The following NNT variants were observed in gnomAD, a reference collection of about 807,000 sequenced individuals.
NNT encodes the protein nicotinamide nucleotide transhydrogenase.
NNT carries 50 observed loss-of-function variants against 104.8 expected under a neutral mutation model. The ratio of observed to expected loss-of-function variants is 0.48; its 90% confidence interval spans 0.38 to 0.60. The LOEUF is 0.60. Among genes scored for constraint, NNT ranks in the 20% least tolerant of loss-of-function variants. NNT has a pLI of 0.00. For missense variants in NNT, 1,131 were observed against 1,330.7 expected, an observed-to-expected ratio of 0.85 and a Z score of 2.33; for synonymous variants, 461 against 490.4, an observed-to-expected ratio of 0.94 and a Z score of 0.79.
chr5:43,666,903 G>A lies in NNT; in HGVS notation c.2634+7553G>A, dbSNP rs1740730361. Reference sequence around the variant, plus strand: ...ACAGCCTGGGCCCCTTGGCAATACAGGCACAAACACGCTTCCCAAGCTTGG... The same window carrying A: ...ACAGCCTGGGCCCCTTGGCAATACAAGCACAAACACGCTTCCCAAGCTTGG... On this transcript the variant is annotated intron_variant, in intron 17 of 21. Transcript: ENST00000344920. The A allele has an allele frequency of 3.8e-6, 6 of 1,569,542 alleles. No individual in the cohort carries two copies. The South Asian group carries it at 6.6e-5, about 17-fold the overall frequency.
chr5:43,603,014 C>T (rs1236853044), upstream of NNT: 2 of 152,222 alleles, frequency 1.3e-5, no homozygotes, highest in Admixed American at 6.5e-5. Context: ...GGTAACTAGC[C>T]TTTGAGCTCA....
chr5:43,656,667 G>GT lies in NNT; in HGVS notation c.2308_2309insT (p.Ala770ValfsTer19), dbSNP rs763109551. On this transcript the variant is annotated frameshift_variant, in exon 16 of 22. Coordinates refer to ENST00000344920, the MANE Select transcript of NNT (RefSeq NM_182977.3). LOFTEE classifies it high-confidence loss of function. ...CTTGGCTCTAGGTCTCCTGAAATCT[G>GT]CCCCTCTCCTACTGCCTGGAAGGCA... is the stretch of plus-strand genomic sequence containing the variant. The GT allele has an allele frequency of 1.2e-6, 2 of 1,612,052 alleles. No homozygotes were observed. Among genetic ancestry groups the GT allele is most frequent in the African/African-American group, 2.7e-5 (2 of 74,806 alleles).
intron 14 of NNT, 39 bp from the exon 15 acceptor site, chr5:43,655,801 T>A (rs767641461): frequency 6.8e-7 from 1 of 1,474,196 alleles, no homozygotes; most frequent in Non-Finnish European, 9.5e-7. Flanking sequence ...TTCTCAAAAG[T>A]TTGTCAAGTT....
intron 17 of NNT, among the ~76,000 whole-genome samples, chr5:43,667,592 T>C (rs1359715796): frequency 6.6e-6 from 1 of 152,222 alleles, no homozygotes; most frequent in African/African-American, 2.4e-5. Context: ...ACAAAGGACA[T>C]GAACTCATCC....
rs1184998443 is a variant in NNT, at chr5:43,704,772, T to G, written c.*368T>G. ...TGTTTAGGATTTCAAGACAACATTA[T>G]ACATGGCTCTGAAATATCTGACACA... On this transcript the variant is annotated 3_prime_UTR_variant, in exon 22 of 22. Coordinates refer to ENST00000344920, the MANE Select transcript of NNT (RefSeq NM_182977.3). 1 of 185,982 alleles carries G rather than the reference T, an allele frequency of 5.4e-6. No individual in the cohort carries two copies. The highest frequency in any genetic ancestry group is 1.7e-4 in the East Asian group (1 of 5,814). The allele number at this position is 185,982 out of a possible 1,614,324, so 11.5% of individuals were successfully genotyped here.
At chr5:43,682,682 A>G (rs576157183) in intron 19 of NNT, among the ~76,000 whole-genome samples, 1 of 152,360 alleles carries the variant, frequency 6.6e-6, no homozygotes, top group East Asian at 1.9e-4. Context: ...ATTATCTTGT[A>G]TAGTATTTGA....
chr5:43,667,419 C>G (rs113129831), intron 17 of NNT, among the ~76,000 whole-genome samples: 194 of 152,166 alleles, frequency 1.3e-3, no homozygotes, highest in African/African-American at 4.3e-3. Context: ...CCTCCCCACT[C>G]CCCCCACCCC....
intron 5 of NNT, among the ~76,000 whole-genome samples, chr5:43,623,085 C>T (rs1750181651): frequency 6.6e-6 from 1 of 152,108 alleles, no homozygotes; most frequent in South Asian, 2.1e-4. Context: ...TGTCCCCAAA[C>T]ACAGCACCAA....
At chr5:43,653,408 G>A in intron 14 of NNT, 195 bp downstream of exon 14, 5 of 551,614 alleles carry the variant, frequency 9.1e-6, no homozygotes, top group Non-Finnish European at 1.3e-5. Flanking sequence ...TGCATCAACT[G>A]AGTCAAAATA....
rs752491210 is a variant in NNT at position 43,615,958 on chromosome 5, A to C, written c.492A>C (p.Leu164=). ...FIYPAQNPEL[L]NKLSQRKTTV... ...ACCCAGCCCAAAATCCAGAGTTGCT[A>C]AATAAACTTTCCCAAAGAAAAACTA... Residue 164 remains leucine (L), a synonymous_variant, in exon 4 of 22, where the codon CTA becomes CTC. Coordinates refer to ENST00000344920, the MANE Select transcript of NNT (RefSeq NM_182977.3). The C allele has an allele frequency of 6.2e-7, 1 of 1,614,214 alleles. No homozygotes were observed. The highest frequency in any genetic ancestry group is 8.5e-7 in the Non-Finnish European group (1 of 1,180,028).
chr5:43,649,408 T>C (rs1015091749), intron 11 of NNT, 100 bp downstream of exon 11: 1 of 1,398,790 alleles, frequency 7.1e-7, no homozygotes, highest in Non-Finnish European at 9.8e-7. Context: ...TTTCAAGTTG[T>C]TTTGCTTGGC....
At chr5:43,702,496 C>T in intron 20 of NNT, 125 bp from the exon 21 acceptor site, 1 of 588,026 alleles carries the variant, frequency 1.7e-6, no homozygotes, top group Non-Finnish European at 2.8e-6. Context: ...AAGTGCCTGG[C>T]ACAAGTGCGA....
chr5:43,690,113 A>C (rs1580120391), intron 19 of NNT, among the ~76,000 whole-genome samples: 1 of 152,092 alleles, frequency 6.6e-6, no homozygotes, highest in Non-Finnish European at 1.5e-5. Flanking sequence ...ATCGAGGAAA[A>C]CCCCCCTGGC....
chr5:43,668,118 T>A (rs1010736196), intron 17 of NNT, among the ~76,000 whole-genome samples: 34 of 152,230 alleles, frequency 2.2e-4, no homozygotes, highest in Admixed American at 3.9e-4. Context: ...ATGGGATTGT[T>A]TGTTTTTTTC....
Position 43,706,965 on chromosome 5 carries a change from T to C in NNT, c.*2561T>C. On this transcript the variant is annotated 3_prime_UTR_variant, in exon 22 of 22. Transcript: ENST00000344920. ...GTGGGGAACACCACACACCAGGGCC[T>C]GTCATGGGGTGGGGGGAGTGGGGAG... 1 of 152,152 alleles carries C rather than the reference T, an allele frequency of 6.6e-6. No homozygotes were observed. The highest frequency in any genetic ancestry group is 1.5e-5 in the Non-Finnish European group (1 of 68,056). The allele number at this position is 152,152 out of a possible 1,614,324, so 9.4% of individuals were successfully genotyped here.
chr5:43,671,407 T>G (rs1741078476), intron 17 of NNT, among the ~76,000 whole-genome samples: 1 of 152,260 alleles, frequency 6.6e-6, no homozygotes. Context: ...GGCATGTTTT[T>G]GCAGTAGCTG....
At chr5:43,703,131 G>T (rs1742945137) in intron 21 of NNT, among the ~76,000 whole-genome samples, 2 of 152,158 alleles carry the variant, frequency 1.3e-5, no homozygotes, top group African/African-American at 4.8e-5. Context: ...TTAACTTTTT[G>T]AAAGGGAATT....
chr5:43,661,515 T>G (rs1046594590), intron 17 of NNT, among the ~76,000 whole-genome samples: 1 of 150,794 alleles, frequency 6.6e-6, no homozygotes, highest in East Asian at 2.0e-4. Flanking sequence ...ACCCACTAAC[T>G]CGTCATCTAG....
In NNT at chr5:43,688,412, A is replaced by T. The variant is rs61415807; in HGVS notation, c.2876+10606A>T. On this transcript the variant is annotated intron_variant, in intron 19 of 21. Transcript: ENST00000344920. ...CCTAGAATCTCCAGAAGGAATTTTT[A>T]AAATTTTTTTTCAATTTCAATAGGT... 9.9e-5 allele frequency among the ~76,000 whole-genome samples: 15 copies of T among 152,266 alleles called. 1 individual carries two copies. The East Asian group carries it at 2.7e-3, about 27-fold the overall frequency.
Sources: gnomAD v4.1 joint callset for allele counts (sites outside exome capture counted in the v4.1 genomes callset) on GRCh38, gnomAD v4.1.1 for gene constraint, MANE v1.5 for transcripts, NCBI Gene and HGNC (gene_info 2026-07-23, HGNC 2026-07-21) for gene names.